The following ADCY2 variants were observed in gnomAD, a reference collection of about 807,000 sequenced individuals.
The protein encoded by ADCY2 is adenylate cyclase type 2.
ADCY2 carries 31 observed loss-of-function variants against 125.2 expected under a neutral mutation model. The ratio of observed to expected loss-of-function variants is 0.25; its 90% CI spans 0.19 to 0.33. ADCY2 has a LOEUF of 0.33. Among genes scored for constraint, ADCY2 ranks in the 10% least tolerant of loss-of-function variants. The pLI is 1.00. For missense variants in ADCY2, 904 were observed against 1,418.2 expected, an observed-to-expected ratio of 0.64 and a Z score of 5.82; for synonymous variants, 512 against 548.4, an observed-to-expected ratio of 0.93 and a Z score of 0.93.
At chr5:7,776,893 G>A (rs1743745519) in intron 18 of ADCY2, among the ~76,000 whole-genome samples, 2 of 152,142 alleles carry the variant, frequency 1.3e-5, no homozygotes. Context: ...TATCTCCAGG[G>A]TTCTTAGTAC....
At chr5:7,743,916 A>C (rs1033691673) in intron 15 of ADCY2, among the ~76,000 whole-genome samples, 164 bp downstream of exon 15, 1 of 152,214 alleles carries the variant, frequency 6.6e-6, no homozygotes, top group Non-Finnish European at 1.5e-5. Flanking sequence ...AACCAGGAAT[A>C]TAGACTGGGA....
rs184171216 is a variant in ADCY2, at chr5:7,709,737, C to A, written c.1578+350C>A. Among the ~76,000 whole-genome samples the A allele has an allele frequency of 6.6e-6, 1 of 152,182 alleles. No individual in the cohort carries two copies. The highest frequency in any genetic ancestry group is 2.4e-5 in the African/African-American group (1 of 41,434). The stretch of plus-strand genomic sequence containing the variant: ...AGCCTTGAGGTTCTTAATAAAAAGA[C>A]AAAGGCATGATGCCCTTGGAGTTTA... On this transcript the variant is annotated intron_variant, in intron 10 of 24. Transcript: ENST00000338316. The surrounding 1 kb of genome is among the most constrained non-coding windows in gnomAD (Gnocchi z 4.4).
chr5:7,766,827 A>T (rs1157965049), intron 17 of ADCY2, 21 bp downstream of exon 17: 3 of 1,605,506 alleles, frequency 1.9e-6, no homozygotes, highest in South Asian at 2.2e-5. Context: ...TGCAATTATG[A>T]CTGCTTTGGT....
At chr5:7,811,962 T>C (rs1259241334) in intron 22 of ADCY2, among the ~76,000 whole-genome samples, 1 of 152,188 alleles carries the variant, frequency 6.6e-6, no homozygotes, top group Non-Finnish European at 1.5e-5. Flanking sequence ...TCCAGGTACA[T>C]GCTGGTGACT....
At chr5:7,576,334 G>C (rs1672721375) in intron 3 of ADCY2, among the ~76,000 whole-genome samples, 1 of 152,246 alleles carries the variant, frequency 6.6e-6, no homozygotes, top group African/African-American at 2.4e-5. Flanking sequence ...CTCCAGAGAT[G>C]CTCCAGTAGG....
intron 4 of ADCY2, among the ~76,000 whole-genome samples, chr5:7,639,878 C>T (rs16878874): frequency 0.011 from 1,697 of 152,232 alleles, 35 homozygotes; most frequent in African/African-American, 0.039. Flanking sequence ...CATATTTCTG[C>T]GAACTTGAAT....
At chr5:7,611,097 A>G (rs995084324) in intron 3 of ADCY2, 1 of 152,186 alleles carries the variant, frequency 6.6e-6, no homozygotes, top group Non-Finnish European at 1.5e-5. Flanking sequence ...CCACCTGACC[A>G]TGGGAAGCTC....
intron 2 of ADCY2, among the ~76,000 whole-genome samples, chr5:7,504,080 C>T (rs1245440128): frequency 6.6e-6 from 1 of 152,086 alleles, no homozygotes; most frequent in Non-Finnish European, 1.5e-5. Flanking sequence ...ATTTCAGCTG[C>T]CCTGGCTTCT....
At chr5:7,754,530 T>C (rs1742924982) in intron 15 of ADCY2, among the ~76,000 whole-genome samples, 1 of 152,184 alleles carries the variant, frequency 6.6e-6, no homozygotes, top group South Asian at 2.1e-4. Flanking sequence ...CTCTTAAAGG[T>C]ACTAACTGTA....
chr5:7,782,883 CA>C (rs1743961173), intron 18 of ADCY2, among the ~76,000 whole-genome samples: 1 of 152,204 alleles, frequency 6.6e-6, no homozygotes, highest in Non-Finnish European at 1.5e-5. Context: ...CAGAGAGGAG[CA>C]ACTTCATCTT....
intron 2 of ADCY2, among the ~76,000 whole-genome samples, chr5:7,446,740 C>T (rs767985848): frequency 3.3e-5 from 5 of 152,200 alleles, no homozygotes; most frequent in South Asian, 2.1e-4. Context: ...TCCATACCCA[C>T]GTGTGTGCAC....
At chr5:7,473,857 T>C (rs1742426407) in intron 2 of ADCY2, among the ~76,000 whole-genome samples, 1 of 152,248 alleles carries the variant, frequency 6.6e-6, no homozygotes, top group Non-Finnish European at 1.5e-5. Context: ...GAATGTGCTC[T>C]TCTTACATCT....
At chr5:7,717,831 C>G (rs1372601503) in intron 12 of ADCY2, among the ~76,000 whole-genome samples, 3 of 152,150 alleles carry the variant, frequency 2.0e-5, no homozygotes. Flanking sequence ...CATCACCCTT[C>G]ATGTTCTCCT....
At chr5:7,627,213 G>A (rs79884480) in intron 4 of ADCY2, among the ~76,000 whole-genome samples, 2,035 of 152,196 alleles carry the variant, frequency 0.013, 51 homozygotes, top group African/African-American at 0.047. Context: ...GCCAGGTGTC[G>A]TTGTCAGGGG....
chr5:7,651,791 T>A (rs2126682759), intron 4 of ADCY2, among the ~76,000 whole-genome samples: 1 of 152,138 alleles, frequency 6.6e-6, no homozygotes, highest in African/African-American at 2.4e-5. Context: ...CTTCACGTCT[T>A]TTTATTTATT....
chr5:7,497,780 A>G (rs1430881159), intron 2 of ADCY2, among the ~76,000 whole-genome samples: 3 of 152,140 alleles, frequency 2.0e-5, no homozygotes, highest in Admixed American at 6.5e-5. Context: ...TTAGTGAAAT[A>G]ATGTATTTAA....
At chr5:7,791,042 G>GT (rs35003423) in intron 20 of ADCY2, among the ~76,000 whole-genome samples, 12 of 151,282 alleles carry the variant, frequency 7.9e-5, no homozygotes, top group South Asian at 2.1e-4. Context: ...TTTCTGGTCA[G>GT]TTTTTTTTTG....
intron 24 of ADCY2, among the ~76,000 whole-genome samples, chr5:7,822,214 T>A (rs1204413588): frequency 6.6e-6 from 1 of 152,252 alleles, no homozygotes; most frequent in Non-Finnish European, 1.5e-5. Context: ...AAGGTTTAGA[T>A]GTAACTTTAA....
chr5:7,454,738 G>A (rs1741605487), intron 2 of ADCY2, among the ~76,000 whole-genome samples: 1 of 151,950 alleles, frequency 6.6e-6, no homozygotes, highest in Admixed American at 6.5e-5. Flanking sequence ...CCTATGGGGT[G>A]TTTTCTTTTC....
Sources: gnomAD v4.1 joint callset for allele counts (sites outside exome capture counted in the v4.1 genomes callset) on GRCh38, gnomAD v4.1.1 for gene constraint, Gnocchi (gnomAD v3.1) non-coding constraint, MANE v1.5 for transcripts, NCBI Gene and HGNC (gene_info 2026-07-23, HGNC 2026-07-21) for gene names.